COL1A1: variants seen among roughly 807,000 people sequenced by gnomAD.
COL1A1 encodes collagen type I alpha 1 chain.
A neutral mutation model predicts 195.7 loss-of-function variants in COL1A1; 21 were observed. The observed-to-expected ratio is 0.11, with a 90% CI of 0.08 to 0.15. The LOEUF (loss-of-function observed/expected upper bound fraction) is 0.15. Among genes scored for constraint, COL1A1 ranks in the 10% least tolerant of loss-of-function variants. The pLI is 1.00. For synonymous variants in COL1A1, 749 were observed against 747.3 expected, an observed-to-expected ratio of 1.00 and a Z score of -0.04; for missense variants, 1,365 against 2,051.0, an observed-to-expected ratio of 0.67 and a Z score of 6.46.
chr17:50,186,822 T>C lies in COL1A1; in HGVS notation c.3632A>G (p.Asp1211Gly), dbSNP rs1598285629. ...LPQPPQEKAH[D>G]GGRYYRADDA... is the part of the protein sequence containing the mutation. ...ATCAGCCCGGTAGTAGCGGCCACCATCGTGAGCCTTCTCTTGAGGTGGCTG... is the reference window on the plus strand; with the variant it reads ...ATCAGCCCGGTAGTAGCGGCCACCACCGTGAGCCTTCTCTTGAGGTGGCTG... The change falls in exon 48 of 51, where the codon GAT (aspartate) becomes GGT (glycine). Residue 1211 changes from aspartate (D) to glycine (G), a missense_variant. Around this residue, in one of 5 missense-constraint regions of COL1A1, gnomAD observed 671 missense variants for 1,099.9 expected, o/e 0.61. Coordinates refer to ENST00000225964, the MANE Select transcript of COL1A1 (RefSeq NM_000088.4). This position sits in a 1 kb window ranked among gnomAD's most constrained non-coding sequence, Gnocchi z 5.3. 1 of 1,613,994 alleles carries C rather than the reference T, an allele frequency of 6.2e-7. No homozygotes were observed. Among genetic ancestry groups the C allele is most frequent in the South Asian group, 1.1e-5 (1 of 91,080 alleles).
intron 29 of COL1A1, 123 bp from the exon 30 acceptor site, chr17:50,192,147 G>T: frequency 9.4e-7 from 1 of 1,066,336 alleles, no homozygotes; most frequent in Non-Finnish European, 1.4e-6. Context: ...TCTCAGCACT[G>T]AATTGAGATT....
chr17:50,188,337 G>T lies in COL1A1; in HGVS notation c.3208-188C>A. Reference sequence around the variant, plus strand: ...GAGCTGGGGCCAACTCATGGGAGAGGCGGTCCTGTCTGGGAGAGGGGACTT... The same window carrying T: ...GAGCTGGGGCCAACTCATGGGAGAGTCGGTCCTGTCTGGGAGAGGGGACTT... On this transcript the variant is annotated intron_variant, in intron 43 of 50. Transcript: ENST00000225964. This position sits in a 1 kb window ranked among gnomAD's most constrained non-coding sequence, Gnocchi z 5.6. 1.2e-6 allele frequency: 1 copy of T among 815,226 alleles called. No homozygotes were observed. Among genetic ancestry groups the T allele is most frequent in the Non-Finnish European group, 1.9e-6 (1 of 517,402 alleles). The allele number at this position is 815,226 out of a possible 1,614,324, so 50.5% of individuals were successfully genotyped here. A position where few individuals can be genotyped will look rare whatever the true frequency, so the allele number is the denominator to read the frequency against.
At chr17:50,199,099 A>G in intron 5 of COL1A1, 127 bp downstream of exon 5, 2 of 1,103,182 alleles carry the variant, frequency 1.8e-6, no homozygotes, top group Non-Finnish European at 2.5e-6. Context: ...GGTATGTGAG[A>G]GTTTCCTGTA....
chr17:50,199,646 G>A, intron 2 of COL1A1, 56 bp from the exon 3 acceptor site: 1 of 1,612,958 alleles, frequency 6.2e-7, no homozygotes. Flanking sequence ...TGCTCCCGTC[G>A]GCAGAGGCCT....
In COL1A1 at chr17:50,185,658, G is replaced by A; in HGVS notation, c.4249-10C>T. 1 of 1,612,950 alleles carries A rather than the reference G, an allele frequency of 6.2e-7. No homozygotes were observed. The highest frequency in any genetic ancestry group is 8.5e-7 in the Non-Finnish European group (1 of 1,179,380). On this transcript the variant is annotated splice_polypyrimidine_tract_variant and intron_variant, in intron 50 of 50. Transcript: ENST00000225964. ...AGGCTCCGGTGTGACTCTGGGGTGG[G>A]GCGGAGACAACGGGAGGGGGCATTA...
intron 9 of COL1A1, among the ~76,000 whole-genome samples, chr17:50,197,471 A>G (rs1476934706): frequency 6.6e-6 from 1 of 152,228 alleles, no homozygotes; most frequent in Non-Finnish European, 1.5e-5. Context: ...TAATTTCACC[A>G]TCTGCGCACC....
At chr17:50,199,185 CA>C in intron 5 of COL1A1, 40 bp downstream of exon 5, 1 of 1,426,970 alleles carries the variant, frequency 7.0e-7, no homozygotes, top group Non-Finnish European at 9.2e-7. Context: ...AAAACAAAAA[CA>C]AAACAGGGGA....
chr17:50,200,200 C>G, intron 1 of COL1A1: 1 of 553,718 alleles, frequency 1.8e-6, no homozygotes, highest in Admixed American at 3.1e-5. Flanking sequence ...GCGGTGGCTT[C>G]CAACTCCAAC....
rs1567763332 is a variant in COL1A1 at position 50,198,020 on chromosome 17, AG to A, written c.589-19del. 1.2e-6 allele frequency: 2 copies of A among 1,613,916 alleles called. No individual in the cohort carries two copies. The highest frequency in any genetic ancestry group is 1.7e-6 in the Non-Finnish European group (2 of 1,179,874). On this transcript the variant is annotated intron_variant, in intron 7 of 50. Coordinates refer to ENST00000225964, the MANE Select transcript of COL1A1 (RefSeq NM_000088.4). ...TGGGGACCCTTGAGAAGAAGGAAAAAGATGGGTTAGAAGACAAGTCCCTGTC... is the reference window on the plus strand; with the variant it reads ...TGGGGACCCTTGAGAAGAAGGAAAAAATGGGTTAGAAGACAAGTCCCTGTC...
chr17:50,197,093 G>A (rs1437266832), intron 10 of COL1A1, 30 bp from the exon 11 acceptor site: 1 of 1,614,174 alleles, frequency 6.2e-7, no homozygotes. Flanking sequence ...ACAAGGAAGG[G>A]CCATTAGAAC....
chr17:50,198,832 T>C (rs961170149), intron 5 of COL1A1: 2 of 426,882 alleles, frequency 4.7e-6, no homozygotes, highest in Non-Finnish European at 8.7e-6. Flanking sequence ...GGATCCCAGA[T>C]TGGGGTGGTG....
At position 50,197,761 on chromosome 17, in the gene COL1A1, G is replaced by C; in HGVS notation, c.667C>G (p.Pro223Ala). 6.2e-7 allele frequency: 1 copy of C among 1,602,030 alleles called. No homozygotes were observed. The highest frequency in any genetic ancestry group is 8.5e-7 in the Non-Finnish European group (1 of 1,176,408). ...TCTCCATTCTTTCCAGGGGGACCTG[G>C]GGGACCTCGGGGACCCATGGGACCC... ...ASGPMGPRGP[P>A]GPPGKNGDDG... Residue 223 changes from proline to alanine, a missense_variant, in exon 9 of 51, where the codon CCA (proline) becomes GCA (alanine). This residue lies in a region of COL1A1 where 226 missense variants were observed against 372.9 expected (regional missense o/e 0.61). Coordinates refer to ENST00000225964, the MANE Select transcript of COL1A1 (RefSeq NM_000088.4).
At chr17:50,192,184 T>A in intron 29 of COL1A1, 160 bp from the exon 30 acceptor site, 1 of 829,534 alleles carries the variant, frequency 1.2e-6, no homozygotes, top group Non-Finnish European at 1.9e-6. Context: ...CTCTTCCTCC[T>A]AGGGATGTGT....
At position 50,195,431 on chromosome 17, in the gene COL1A1, T is replaced by C. The variant is rs1193600924; in HGVS notation, c.1200+3A>G. ...TGGGACTGAAGCCTGGCAGGATACT[T>C]ACATTGGCACCTTTAGCACCAGGCT... On this transcript the variant is annotated splice_donor_region_variant and intron_variant, in intron 18 of 50. Transcript: ENST00000225964. The surrounding 1 kb of genome is among the most constrained non-coding windows in gnomAD (Gnocchi z 4.3). The C allele has an allele frequency of 8.1e-6, 13 of 1,613,928 alleles. No individual in the cohort carries two copies. Among genetic ancestry groups the C allele is most frequent in the Non-Finnish European group, 1.0e-5 (12 of 1,179,984 alleles).
At position 50,186,519 on chromosome 17, in the gene COL1A1, C is replaced by G; in HGVS notation, c.3815-12G>C. 6.2e-7 allele frequency: 1 copy of G among 1,614,072 alleles called. No individual in the cohort carries two copies. The highest frequency in any genetic ancestry group is 8.5e-7 in the Non-Finnish European group (1 of 1,180,014). ...AATCCAGTACTCTCCTGTGGTAGGG[C>G]AGGGCAAGATGGAGTCAGGGAAAGG... On this transcript the variant is annotated splice_polypyrimidine_tract_variant and intron_variant, in intron 48 of 50. Coordinates refer to ENST00000225964, the MANE Select transcript of COL1A1 (RefSeq NM_000088.4). This position sits in a 1 kb window ranked among gnomAD's most constrained non-coding sequence, Gnocchi z 5.3.
chr17:50,192,239 T>G, intron 29 of COL1A1: 1 of 722,140 alleles, frequency 1.4e-6, no homozygotes, highest in Non-Finnish European at 2.3e-6. Context: ...GATTTATCAA[T>G]AGAAGGGTTG....
At chr17:50,200,542 C>T (rs1221437055) in intron 1 of COL1A1, among the ~76,000 whole-genome samples, 2 of 152,236 alleles carry the variant, frequency 1.3e-5, no homozygotes, top group East Asian at 1.9e-4. Context: ...GCTCTCGGGG[C>T]CATCCCCAGT....
intron 26 of COL1A1, 34 bp from the exon 27 acceptor site, chr17:50,192,884 A>G (rs764568692): frequency 1.2e-6 from 2 of 1,613,586 alleles, no homozygotes; most frequent in South Asian, 2.2e-5. Flanking sequence ...ACTCAGGGTT[A>G]GGAGGCCCCG....
At position 50,198,011 on chromosome 17, in the gene COL1A1, G is replaced by T; in HGVS notation, c.589-9C>A. On this transcript the variant is annotated splice_polypyrimidine_tract_variant and intron_variant, in intron 7 of 50. Transcript: ENST00000225964. ...TGGAAGCCTTGGGGACCCTTGAGAA[G>T]AAGGAAAAAGATGGGTTAGAAGACA... is the stretch of plus-strand genomic sequence containing the variant. The T allele has an allele frequency of 6.2e-7, 1 of 1,613,994 alleles. No individual in the cohort carries two copies.
Sources: gnomAD v4.1 joint callset for allele counts (sites outside exome capture counted in the v4.1 genomes callset) on GRCh38, gnomAD v4.1.1 for gene constraint, gnomAD v4.1.1 regional missense constraint, Gnocchi (gnomAD v3.1) non-coding constraint, MANE v1.5 for transcripts, NCBI Gene and HGNC (gene_info 2026-07-23, HGNC 2026-07-21) for gene names.